Variants in UMPS observed in about 807,000 individuals in gnomAD.
The protein encoded by UMPS is uridine 5'-monophosphate synthase.
Under a neutral mutation model 38.9 loss-of-function variants are expected in UMPS, and 21 were observed. The observed-to-expected ratio is 0.54, with a 90% CI of 0.38 to 0.78. The LOEUF is 0.78. UMPS is among the 30% of genes least tolerant of loss of function. The probability of loss-of-function intolerance (pLI) is 0.00; values close to 1 mark genes in which losing one functional copy is unlikely to be tolerated. For missense variants in UMPS, 533 were observed against 591.6 expected, an observed-to-expected ratio of 0.90 and a Z score of 1.03; for synonymous variants, 208 against 219.3, an observed-to-expected ratio of 0.95 and a Z score of 0.45.
Position 124,730,577 on chromosome 3 carries a change from A to T in UMPS, c.106A>T (p.Ile36Phe). 6.2e-7 allele frequency: 1 copy of T among 1,613,184 alleles called. No homozygotes were observed. Among genetic ancestry groups the T allele is most frequent in the East Asian group, 2.2e-5 (1 of 44,848 alleles). The change falls in exon 1 of 6, where the codon ATC becomes TTC. Residue 36 changes from isoleucine (I) to phenylalanine (F), a missense_variant. Coordinates refer to ENST00000232607, the MANE Select transcript of UMPS (RefSeq NM_000373.4). ...GCTGAAGAGCGGGCTTTCCTCCCCC[A>T]TCTACATCGATCTGCGGGGCATCGT... The part of the protein sequence containing the change: ...FVLKSGLSSP[I>F]YIDLRGIVSR...
At chr3:124,740,257 A>G in intron 4 of UMPS, 58 bp downstream of exon 4, 1 of 1,509,078 alleles carries the variant, frequency 6.6e-7, no homozygotes, top group Non-Finnish European at 8.9e-7. Flanking sequence ...GCATGCTGCA[A>G]GAAGATATCT....
intron 3 of UMPS, 88 bp downstream of exon 3, chr3:124,738,327 C>T: frequency 7.0e-7 from 1 of 1,422,262 alleles, no homozygotes; most frequent in Non-Finnish European, 9.7e-7. Context: ...ATTGAAAGTC[C>T]ATTCATAGAG....
intron 3 of UMPS, among the ~76,000 whole-genome samples, chr3:124,739,187 G>A (rs2063538265): frequency 6.6e-6 from 1 of 152,094 alleles, no homozygotes; most frequent in East Asian, 1.9e-4. Context: ...GCTTGTTACT[G>A]TCCGCTTTTA....
At chr3:124,737,455 C>A in intron 2 of UMPS, 113 bp from the exon 3 acceptor site, 1 of 967,976 alleles carries the variant, frequency 1.0e-6, no homozygotes, top group Non-Finnish European at 1.6e-6. Flanking sequence ...AATTGGTATA[C>A]ACATATACTG....
In UMPS at chr3:124,738,252, T is replaced by C. The variant is rs762415930; in HGVS notation, c.982+13T>C. On this transcript the variant is annotated intron_variant, in intron 3 of 5. Transcript: ENST00000232607. The stretch of plus-strand genomic sequence containing the variant: ...AAGCAGTATGAAGGTAAGTGTATTA[T>C]TCAGGAATCTGCAAGAATCAGAAAT... The C allele has an allele frequency of 1.2e-6, 2 of 1,612,702 alleles. No homozygotes were observed. Among genetic ancestry groups the C allele is most frequent in the East Asian group, 4.5e-5 (2 of 44,894 alleles).
At chr3:124,732,323 C>T (rs2063485450) in intron 1 of UMPS, 1 of 154,040 alleles carries the variant, frequency 6.5e-6, no homozygotes, top group Admixed American at 6.5e-5. Flanking sequence ...ATAATTAAGA[C>T]TAGAAGGTGG....
At chr3:124,737,510 A>G in intron 2 of UMPS, 58 bp from the exon 3 acceptor site, 4 of 1,513,916 alleles carry the variant, frequency 2.6e-6, no homozygotes, top group Admixed American at 1.7e-5. Context: ...GTGTACGTAT[A>G]TACGCACATA....
At chr3:124,743,828 C>A in intron 5 of UMPS, 87 bp from the exon 6 acceptor site, 1 of 1,541,228 alleles carries the variant, frequency 6.5e-7, no homozygotes, top group Non-Finnish European at 8.9e-7. Context: ...TTATTTAAAG[C>A]TGGTTAGATA....
chr3:124,732,939 A>T (rs1352586650), intron 1 of UMPS, among the ~76,000 whole-genome samples: 1 of 150,296 alleles, frequency 6.7e-6, no homozygotes, highest in East Asian at 2.0e-4. Flanking sequence ...GATAAATGAC[A>T]GAAAAAGTTT....
rs1297499855 is a variant in UMPS, at chr3:124,739,929, G to A, written c.983-95G>A. 4.2e-6 allele frequency: 5 copies of A among 1,184,534 alleles called. No individual in the cohort carries two copies. In the Admixed American group the frequency reaches 8.9e-5, roughly 21 times the overall value. 73.4% of individuals were successfully genotyped at this position (1,184,534 alleles called of 1,614,324 possible). The stretch of plus-strand genomic sequence containing the variant: ...TTGATTCTCTCATTAACATGTTACT[G>A]GGAGATTATTTCATATTGTAGTTGG... On this transcript the variant is annotated intron_variant, in intron 3 of 5. Coordinates refer to ENST00000232607, the MANE Select transcript of UMPS (RefSeq NM_000373.4).
intron 5 of UMPS, 123 bp from the exon 6 acceptor site, chr3:124,743,792 A>G: frequency 1.6e-6 from 2 of 1,229,410 alleles, no homozygotes; most frequent in Non-Finnish European, 2.3e-6. Flanking sequence ...GCTGTACAAA[A>G]GGGGAACGAA....
intron 1 of UMPS, among the ~76,000 whole-genome samples, chr3:124,734,366 C>T (rs1442520007): frequency 1.3e-5 from 2 of 152,044 alleles, no homozygotes; most frequent in African/African-American, 4.8e-5. Flanking sequence ...ACACAATAGT[C>T]TGTATTTATG....
intron 2 of UMPS, among the ~76,000 whole-genome samples, chr3:124,736,665 A>G (rs1448206690): frequency 6.6e-6 from 1 of 152,184 alleles, no homozygotes; most frequent in Non-Finnish European, 1.5e-5. Flanking sequence ...TCTTATTTCT[A>G]TTATTTTATG....
rs188789159 is a variant in UMPS at position 124,745,427 on chromosome 3, G to C, written c.*1343G>C. On this transcript the variant is annotated 3_prime_UTR_variant, in exon 6 of 6. Transcript: ENST00000232607. ...CGCCCAGGCTGGAGTTCAGTGGCACGATCTCGGCTCACTGCAACTTCTGCC... is the reference window on the plus strand; with the variant it reads ...CGCCCAGGCTGGAGTTCAGTGGCACCATCTCGGCTCACTGCAACTTCTGCC... 6.8e-4 allele frequency: 307 copies of C among 453,180 alleles called. 1 individual carries two copies. Among genetic ancestry groups the C allele is most frequent in the African/African-American group, 5.8e-3 (286 of 49,738 alleles). 28.1% of individuals were successfully genotyped at this position (453,180 alleles called of 1,614,324 possible).
At chr3:124,730,668 G>T (rs771739279) in intron 1 of UMPS, 41 bp downstream of exon 1, 2 of 1,600,820 alleles carry the variant, frequency 1.2e-6, no homozygotes, top group Non-Finnish European at 1.7e-6. Context: ...TTGGTGGCGG[G>T]AAGGAGGACA....
At chr3:124,736,724 A>C (rs1458987838) in intron 2 of UMPS, among the ~76,000 whole-genome samples, 2 of 152,258 alleles carry the variant, frequency 1.3e-5, no homozygotes, top group Non-Finnish European at 2.9e-5. Context: ...TATACTATAA[A>C]TACTTGCAGT....
intron 3 of UMPS, 43 bp from the exon 4 acceptor site, chr3:124,739,981 T>G: frequency 6.2e-7 from 1 of 1,605,366 alleles, no homozygotes; most frequent in Non-Finnish European, 8.5e-7. Context: ...TTAGAGGTTT[T>G]GTTTGAAAAT....
At chr3:124,737,105 A>G (rs1334184986) in intron 2 of UMPS, 1 of 158,022 alleles carries the variant, frequency 6.3e-6, no homozygotes, top group African/African-American at 2.4e-5. Context: ...ATCTTGCTGT[A>G]AGAAACTCTG....
intron 3 of UMPS, among the ~76,000 whole-genome samples, chr3:124,738,958 A>G (rs929712460): frequency 9.9e-5 from 15 of 152,238 alleles, no homozygotes; most frequent in Admixed American, 7.2e-4. Flanking sequence ...TGGTTGTGTC[A>G]TATAACATTT....
Sources: gnomAD v4.1 joint callset for allele counts (sites outside exome capture counted in the v4.1 genomes callset) on GRCh38, gnomAD v4.1.1 for gene constraint, MANE v1.5 for transcripts, NCBI Gene and HGNC (gene_info 2026-07-23, HGNC 2026-07-21) for gene names.